COBLL1: variants seen among roughly 807,000 people sequenced by gnomAD.
The protein encoded by COBLL1 is cordon-bleu WH2 repeat protein like 1, also known as cordon-bleu protein-like 1.
A neutral mutation model predicts 94.8 loss-of-function variants in COBLL1; 50 were observed. The observed-to-expected ratio is 0.53, with a 90% CI of 0.42 to 0.67. The LOEUF is 0.67. Ranked by LOEUF, COBLL1 falls within the 30% of genes least tolerant of loss-of-function variation. COBLL1 has a pLI of 0.00. For synonymous variants in COBLL1, 448 were observed against 473.8 expected, an observed-to-expected ratio of 0.95 and a Z score of 0.71; for missense variants, 1,362 against 1,348.7, an observed-to-expected ratio of 1.01 and a Z score of -0.15.
At chr2:164,709,190 T>A (rs1023620987) in intron 7 of COBLL1, among the ~76,000 whole-genome samples, 1 of 152,196 alleles carries the variant, frequency 6.6e-6, no homozygotes, top group African/African-American at 2.4e-5. Context: ...AATTTAAAAT[T>A]TGTCAAAACA....
At chr2:164,733,842 G>A (rs1269394906) in intron 3 of COBLL1, among the ~76,000 whole-genome samples, 1 of 151,000 alleles carries the variant, frequency 6.6e-6, no homozygotes, top group Non-Finnish European at 1.5e-5. Flanking sequence ...TAACACAGTG[G>A]TTACTGGGAT....
chr2:164,688,799 A>G (rs1683439626), intron 13 of COBLL1, among the ~76,000 whole-genome samples: 1 of 152,106 alleles, frequency 6.6e-6, no homozygotes, highest in Non-Finnish European at 1.5e-5. Context: ...CCTTCCCTCC[A>G]CCTTCTGTTG....
At chr2:164,686,257 T>C (rs1267109625) in intron 13 of COBLL1, among the ~76,000 whole-genome samples, 1 of 150,292 alleles carries the variant, frequency 6.7e-6, no homozygotes, top group Non-Finnish European at 1.5e-5. Context: ...CATTAACACA[T>C]CTTAATCTGT....
intron 2 of COBLL1, among the ~76,000 whole-genome samples, chr2:164,836,383 A>G (rs976592381): frequency 1.3e-5 from 2 of 152,206 alleles, no homozygotes; most frequent in African/African-American, 4.8e-5. Context: ...TATAAAATGT[A>G]AACATAATTT....
intron 7 of COBLL1, among the ~76,000 whole-genome samples, chr2:164,708,558 A>G (rs1256133751): frequency 6.6e-6 from 1 of 152,218 alleles, no homozygotes; most frequent in African/African-American, 2.4e-5. Context: ...TAAGAGTAAC[A>G]CATTTAGGAA....
At chr2:164,754,533 A>G (rs1351772180) in intron 2 of COBLL1, among the ~76,000 whole-genome samples, 1 of 152,160 alleles carries the variant, frequency 6.6e-6, no homozygotes, top group Non-Finnish European at 1.5e-5. Flanking sequence ...ATCTCTCCCC[A>G]GTAAAGACTT....
At position 164,728,211 on chromosome 2, in the gene COBLL1, T is replaced by C; in HGVS notation, c.433-14A>G. The C allele has an allele frequency of 6.6e-7, 1 of 1,523,070 alleles. No individual in the cohort carries two copies. The highest frequency in any genetic ancestry group is 1.4e-5 in the African/African-American group (1 of 73,142). 94.3% of individuals were successfully genotyped at this position (1,523,070 alleles called of 1,614,324 possible). A position where few individuals can be genotyped will look rare whatever the true frequency, so the allele number is the denominator to read the frequency against. ...TCTCACAGTTTTCTGAAACACATATTAAAGCCATAGTTGTACCATAATTCA... is the reference window on the plus strand; with the variant it reads ...TCTCACAGTTTTCTGAAACACATATCAAAGCCATAGTTGTACCATAATTCA... On this transcript the variant is annotated splice_polypyrimidine_tract_variant and intron_variant, in intron 4 of 13. Transcript: ENST00000652658.
chr2:164,722,127 T>TCCTGGATG lies in COBLL1; in HGVS notation c.936_943dup (p.Glu315AlafsTer10). 6.2e-6 allele frequency: 10 copies of TCCTGGATG among 1,613,930 alleles called. No homozygotes were observed. The highest frequency in any genetic ancestry group is 6.8e-6 in the Non-Finnish European group (8 of 1,179,870). ...TTTCACTATACAAGAAGCAGGCCTC[T>TCCTGGATG]CCTGGATGTGTGCAAGGTCTTGGGG... is the stretch of plus-strand genomic sequence containing the variant. On this transcript the variant is annotated frameshift_variant, in exon 7 of 14. Coordinates refer to ENST00000652658, the MANE Select transcript of COBLL1 (RefSeq NM_001365672.2). LOFTEE classifies it high-confidence loss of function.
rs955335078 is a variant in COBLL1, at chr2:164,826,330, A to C, written c.41+14826T>G. ...TCTGGCACAAGAAGTTTCACAGTGG[A>C]CTTATGAACTTTCTAACCAACTTCA... On this transcript the variant is annotated intron_variant, in intron 2 of 13. Coordinates refer to ENST00000652658, the MANE Select transcript of COBLL1 (RefSeq NM_001365672.2). 3.9e-5 allele frequency among the ~76,000 whole-genome samples: 6 copies of C among 152,336 alleles called. No individual in the cohort carries two copies. In the East Asian group the frequency reaches 9.6e-4, roughly 24 times the overall value.
At chr2:164,661,595 A>G (rs1411816838) in intron 2 of COBLL1, among the ~76,000 whole-genome samples, 1 of 152,156 alleles carries the variant, frequency 6.6e-6, no homozygotes, top group African/African-American at 2.4e-5. Flanking sequence ...ATTCATGTGG[A>G]AATCACAGAA....
intron 2 of COBLL1, among the ~76,000 whole-genome samples, chr2:164,805,584 G>T (rs1332536607): frequency 6.6e-6 from 1 of 151,276 alleles, no homozygotes; most frequent in Non-Finnish European, 1.5e-5. Context: ...GAATAATATA[G>T]TATGTAGCCT....
intron 2 of COBLL1, among the ~76,000 whole-genome samples, chr2:164,798,319 T>C (rs1437082824): frequency 6.6e-6 from 1 of 152,218 alleles, no homozygotes; most frequent in East Asian, 1.9e-4. Context: ...ATTTTCTAAA[T>C]ATCAATCCTC....
intron 2 of COBLL1, among the ~76,000 whole-genome samples, chr2:164,809,031 T>C (rs1684330763): frequency 6.6e-6 from 1 of 152,134 alleles, no homozygotes; most frequent in South Asian, 2.1e-4. Flanking sequence ...CACCAGACTG[T>C]CATCCTCAAA....
At chr2:164,742,122 A>G (rs1476380438) in intron 3 of COBLL1, among the ~76,000 whole-genome samples, 1 of 152,120 alleles carries the variant, frequency 6.6e-6, no homozygotes, top group Non-Finnish European at 1.5e-5. Flanking sequence ...GTCTAAAATA[A>G]CTATGACGGG....
intron 7 of COBLL1, among the ~76,000 whole-genome samples, chr2:164,711,764 T>C (rs1321571676): frequency 3.3e-5 from 5 of 152,150 alleles, no homozygotes; most frequent in African/African-American, 9.7e-5. Context: ...TTTTAAAAAG[T>C]GGTAGAGATT....
At chr2:164,692,168 T>C (rs1173267250) in intron 13 of COBLL1, 53 bp downstream of exon 13, 50 of 1,478,194 alleles carry the variant, frequency 3.4e-5, no homozygotes, top group South Asian at 4.3e-5. Context: ...AAGTATTAGT[T>C]TGACAATGGT....
At chr2:164,839,850 A>G (rs1683501737) in intron 2 of COBLL1, among the ~76,000 whole-genome samples, 1 of 152,250 alleles carries the variant, frequency 6.6e-6, no homozygotes, top group Admixed American at 6.5e-5. Flanking sequence ...TATTTAAGCA[A>G]TGAAAAACCT....
chr2:164,726,300 G>A (rs1165266888), intron 5 of COBLL1, among the ~76,000 whole-genome samples: 4 of 152,046 alleles, frequency 2.6e-5, no homozygotes, highest in Non-Finnish European at 4.4e-5. Flanking sequence ...GAAGTAGAAG[G>A]TGAGATTTCA....
chr2:164,790,564 C>T (rs758245430), intron 2 of COBLL1, among the ~76,000 whole-genome samples: 2 of 152,120 alleles, frequency 1.3e-5, no homozygotes, highest in Non-Finnish European at 2.9e-5. Context: ...TTTCCTTATA[C>T]ATCATTTTAC....
Sources: allele counts gnomAD v4.1 joint callset (sites outside exome capture counted in the v4.1 genomes callset), GRCh38; gene constraint gnomAD v4.1.1; transcripts MANE v1.5; gene names NCBI Gene and HGNC (gene_info 2026-07-23, HGNC 2026-07-21).